POMGNT1: variants seen among roughly 807,000 people sequenced by gnomAD.
The protein encoded by POMGNT1 is protein O-linked-mannose beta-1,2-N-acetylglucosaminyltransferase 1.
POMGNT1 carries 67 observed loss-of-function variants against 95.6 expected under a neutral mutation model. That is an observed-to-expected ratio of 0.70 (90% CI 0.58 to 0.86). The LOEUF (loss-of-function observed/expected upper bound fraction) is 0.86, where lower values mean the gene tolerates loss of function less well. Among genes scored for constraint, POMGNT1 ranks in the 40% least tolerant of loss-of-function variants. The probability of loss-of-function intolerance (pLI) is 0.00; values close to 1 mark genes in which losing one functional copy is unlikely to be tolerated. For synonymous variants in POMGNT1, 298 were observed against 317.9 expected (o/e 0.94, Z 0.66); for missense variants, 719 against 855.2 (o/e 0.84, Z 1.99).
chr1:46,200,436 G>T (rs1477499983), upstream of POMGNT1, among the ~76,000 whole-genome samples: 1 of 152,154 alleles, frequency 6.6e-6, no homozygotes, highest in South Asian at 2.1e-4. Flanking sequence ...TTTCCTGTGG[G>T]TTCCCCTCCT....
intron 1 of POMGNT1, among the ~76,000 whole-genome samples, chr1:46,214,351 GAAA>G (rs57471712): frequency 4.7e-5 from 6 of 127,490 alleles, no homozygotes; most frequent in Admixed American, 7.6e-5. Context: ...GTCTCAAAAA[GAAA>G]AAAAAAAAGG....
At chr1:46,195,070 T>C (rs892401696) in intron 6 of POMGNT1, 109 bp from the exon 7 acceptor site, 7 of 938,508 alleles carry the variant, frequency 7.5e-6, no homozygotes, top group Non-Finnish European at 1.2e-5. Flanking sequence ...CTCATTACAT[T>C]ATTGCAATAA....
chr1:46,202,916 G>GTGTGT (rs937190555), upstream of POMGNT1, among the ~76,000 whole-genome samples: 2 of 95,748 alleles, frequency 2.1e-5, no homozygotes, highest in East Asian at 2.5e-4. Context: ...TGGGGGGGGG[G>GTGTGT]GGTGGTGTGT....
chr1:46,214,867 C>CAAAAAAAAAAAA (rs5773905), intron 1 of POMGNT1, among the ~76,000 whole-genome samples: 1 of 89,546 alleles, frequency 1.1e-5, no homozygotes, highest in Non-Finnish European at 2.0e-5. Context: ...GACTCCATCT[C>CAAAAAAAAAAAA]AAAAAAAAAA....
chr1:46,201,409 G>C (rs1236827793), upstream of POMGNT1, among the ~76,000 whole-genome samples: 3 of 151,812 alleles, frequency 2.0e-5, no homozygotes, highest in African/African-American at 7.3e-5. Context: ...ATAGAAATAT[G>C]TAGTGCCAGG....
chr1:46,197,045 T>G lies in POMGNT1; in HGVS notation c.160A>C (p.Asn54His), dbSNP rs546654268. The G allele has an allele frequency of 6.2e-7, 1 of 1,614,162 alleles. No individual in the cohort carries two copies. Among genetic ancestry groups the G allele is most frequent in the Non-Finnish European group, 8.5e-7 (1 of 1,180,010 alleles). ...CGAGTGTCCAGGATCAACTTGATATTGACAATGACAGTCACCAGCAGGAAA... is the reference window on the plus strand; with the variant it reads ...CGAGTGTCCAGGATCAACTTGATATGGACAATGACAGTCACCAGCAGGAAA... ...VLFLLVTVIV[N>H]IKLILDTRRA... The change falls in exon 3 of 22, where the codon AAT becomes CAT. Residue 54 changes from asparagine to histidine, a missense_variant. Physicochemically the swap from Asn to His is moderately conservative, Grantham distance 68. Around this residue, in one of 5 missense-constraint regions of POMGNT1, gnomAD observed 466 missense variants for 517.4 expected, o/e 0.90. Transcript: ENST00000371984.
chr1:46,196,735 G>A lies in POMGNT1; in HGVS notation c.350C>T (p.Thr117Ile), dbSNP rs1450291894. Residue 117 changes from threonine to isoleucine, a missense_variant, in exon 4 of 22, where the codon ACC becomes ATC. Physicochemically the swap from Thr to Ile is moderately conservative, Grantham distance 89. This residue lies in a region of POMGNT1 where 466 missense variants were observed against 517.4 expected (regional missense o/e 0.90). Transcript: ENST00000371984. This position sits in a 1 kb window ranked among gnomAD's most constrained non-coding sequence, Gnocchi z 4.4. ...RSKVYVAVDG[T>I]TVLEDEAREQ... ...ACCAGACCCTGGCCCACTGACCGTG[G>A]TGCCATCCACTGCCACATATACTTT... 6.2e-7 allele frequency: 1 copy of A among 1,614,144 alleles called. No homozygotes were observed. The highest frequency in any genetic ancestry group is 8.5e-7 in the Non-Finnish European group (1 of 1,180,038).
intron 9 of POMGNT1, 147 bp downstream of exon 9, chr1:46,194,127 C>A: frequency 6.5e-7 from 1 of 1,544,182 alleles, no homozygotes; most frequent in Non-Finnish European, 8.8e-7. Flanking sequence ...CCCTTCACCC[C>A]AGCCCTGTCT....
chr1:46,198,437 C>G (rs1658407489), upstream of POMGNT1: 1 of 150,298 alleles, frequency 6.7e-6, no homozygotes. Flanking sequence ...GCGGCCCCGC[C>G]CCGGCCTGGC....
chr1:46,216,043 C>CTTTTTTTTTTTT lies in POMGNT1; in HGVS notation c.-51+3650_-51+3661dup, dbSNP rs141982741. Reference sequence around the variant, plus strand: ...AAAATAATTTCAACTTTTATTTTATCTTTTTTTTTTTTTTTTTTTTTTTGT... The same window carrying CTTTTTTTTTTTT: ...AAAATAATTTCAACTTTTATTTTATCTTTTTTTTTTTTTTTTTTTTTTTTTTTTTTTTTTTGT... On this transcript the variant is annotated intron_variant, in intron 1 of 22. Coordinates refer to the POMGNT1 transcript ENST00000371992. 2.9e-3 allele frequency among the ~76,000 whole-genome samples: 268 copies of CTTTTTTTTTTTT among 92,562 alleles called. 4 individuals are homozygous for CTTTTTTTTTTTT. The highest frequency in any genetic ancestry group is 9.8e-3 in the Middle Eastern group (1 of 102). The allele number at this position is 92,562 out of a possible 152,430, so 60.7% of individuals were successfully genotyped here.
At chr1:46,198,475 C>CGCCGCCGCT (rs990493696), upstream of POMGNT1, 5 of 149,338 alleles carry the variant, frequency 3.3e-5, no homozygotes, top group African/African-American at 1.2e-4. Context: ...CCGCCGCCGC[C>CGCCGCCGCT]GCCGCCGCTG....
In POMGNT1 at chr1:46,196,674, G is replaced by A; in HGVS notation, c.354+57C>T. ...ACTTAGGCAGTAGACCCTGCTGCCA[G>A]TGGACCATGCCCTGAGCAGAATAGA... On this transcript the variant is annotated intron_variant, in intron 4 of 21. Coordinates refer to ENST00000371984, the MANE Select transcript of POMGNT1 (RefSeq NM_017739.4). This position sits in a 1 kb window ranked among gnomAD's most constrained non-coding sequence, Gnocchi z 4.4. The A allele has an allele frequency of 6.2e-7, 1 of 1,613,100 alleles. No homozygotes were observed.
At chr1:46,189,802 G>C in intron 20 of POMGNT1, 52 bp downstream of exon 20, 1 of 1,611,030 alleles carries the variant, frequency 6.2e-7, no homozygotes, top group Admixed American at 1.7e-5. Context: ...TCTTGGGGCA[G>C]TATGTGTGTG....
At position 46,196,548 on chromosome 1, in the gene POMGNT1, C is replaced by T. The variant is rs141743758; in HGVS notation, c.354+183G>A. Among the ~76,000 whole-genome samples the T allele has an allele frequency of 3.1e-3, 465 of 152,370 alleles. 1 individual carries two copies. The highest frequency in any genetic ancestry group is 6.8e-3 in the Middle Eastern group (2 of 294). ...CATACAAGACACTTCACAAACTTTT[C>T]ATTGAATCCTGACAAGTAGAAATCA... On this transcript the variant is annotated intron_variant, in intron 4 of 21. Transcript: ENST00000371984. This position sits in a 1 kb window ranked among gnomAD's most constrained non-coding sequence, Gnocchi z 4.4.
Position 46,194,340 on chromosome 1 carries a change from T to G in POMGNT1, c.813A>C (p.Lys271Asn), listed in dbSNP as rs757156888. Residue 271 changes from lysine to asparagine, a missense_variant, in exon 9 of 22, where the codon AAA (lysine) becomes AAC (asparagine). Physicochemically the swap from Lys to Asn is moderately conservative, Grantham distance 94. Transcript: ENST00000371984. ...LNRRRRRFCS[K>N]VEGYGSVCSC... Reference sequence around the variant, plus strand: ...TGCATACACTTCCATAGCCCTCAACTTTGCTGCAGAAGCGCCGGCGGCGAC... The same window carrying G: ...TGCATACACTTCCATAGCCCTCAACGTTGCTGCAGAAGCGCCGGCGGCGAC... The G allele has an allele frequency of 5.0e-6, 8 of 1,614,078 alleles. No homozygotes were observed. The highest frequency in any genetic ancestry group is 2.2e-5 in the East Asian group (1 of 44,898).
chr1:46,217,748 T>A (rs1180141816), intron 1 of POMGNT1, among the ~76,000 whole-genome samples: 2 of 152,108 alleles, frequency 1.3e-5, no homozygotes, highest in Non-Finnish European at 2.9e-5. Context: ...TCCCAGCTAC[T>A]CAGCAGGCTG....
Position 46,191,762 on chromosome 1 carries a change from G to A in POMGNT1, c.1539+336C>T. 3 of 354,078 alleles carry A rather than the reference G, an allele frequency of 8.5e-6. No individual in the cohort carries two copies. The Admixed American group carries it at 1.2e-4, about 14-fold the overall frequency. 21.9% of individuals were successfully genotyped at this position (354,078 alleles called of 1,614,324 possible). On this transcript the variant is annotated intron_variant, in intron 17 of 21. Transcript: ENST00000371984. ...CCATTCTCCTGCCTCAGCCTCCCAA[G>A]TAGCTGGGACTACAGGCGCCCATCA...
chr1:46,193,116 G>C (rs1571657418), intron 13 of POMGNT1, 58 bp downstream of exon 13: 1 of 1,611,964 alleles, frequency 6.2e-7, no homozygotes, highest in East Asian at 2.2e-5. Context: ...AACAGGCCCA[G>C]ACCTTATGCC....
intron 1 of POMGNT1, among the ~76,000 whole-genome samples, chr1:46,210,699 A>G (rs893648738): frequency 6.6e-6 from 1 of 152,168 alleles, no homozygotes. Flanking sequence ...AGGGGTGCGG[A>G]ACTTCTGTGC....
Sources: allele counts gnomAD v4.1 joint callset (sites outside exome capture counted in the v4.1 genomes callset), GRCh38; gene constraint gnomAD v4.1.1; regional missense constraint gnomAD v4.1.1; non-coding constraint Gnocchi (gnomAD v3.1); transcripts MANE v1.5; gene names NCBI Gene and HGNC (gene_info 2026-07-23, HGNC 2026-07-21).